PRPSAP1: variants seen among roughly 807,000 people sequenced by gnomAD.
PRPSAP1 encodes the protein phosphoribosyl pyrophosphate synthetase associated protein 1, also known as phosphoribosyl pyrophosphate synthase-associated protein 1.
PRPSAP1 carries 31 observed loss-of-function variants against 39.4 expected under a neutral mutation model. That is an observed-to-expected ratio of 0.79 (90% CI 0.59 to 1.06). The LOEUF (loss-of-function observed/expected upper bound fraction) is 1.06, where lower values mean the gene tolerates loss of function less well. Ranked by LOEUF, PRPSAP1 falls within the 50% of genes least tolerant of loss-of-function variation. PRPSAP1 has a pLI of 0.00. For synonymous variants in PRPSAP1, 212 were observed against 192.6 expected, an observed-to-expected ratio of 1.10 and a Z score of -0.83; for missense variants, 430 against 511.6, an observed-to-expected ratio of 0.84 and a Z score of 1.54.
At chr17:76,330,264 T>C (rs974788622) in intron 5 of PRPSAP1, 166 bp from the exon 6 acceptor site, 8 of 627,868 alleles carry the variant, frequency 1.3e-5, no homozygotes, top group Non-Finnish European at 1.9e-5. Flanking sequence ...TTAACATCAC[T>C]GGAAAAAGCA....
At chr17:76,332,192 T>G (rs1028406908) in intron 4 of PRPSAP1, 71 bp downstream of exon 4, 421 of 1,528,160 alleles carry the variant, frequency 2.8e-4, no homozygotes, top group Non-Finnish European at 3.3e-4. Flanking sequence ...ATCTGAGGTA[T>G]GAGCTAAGTC....
At chr17:76,321,313 T>C (rs918406224) in intron 7 of PRPSAP1, among the ~76,000 whole-genome samples, 3 of 151,908 alleles carry the variant, frequency 2.0e-5, no homozygotes, top group African/African-American at 7.3e-5. Context: ...TCCCAGCACT[T>C]TGGGAGGCCG....
At chr17:76,320,832 A>T (rs1428798783) in intron 7 of PRPSAP1, among the ~76,000 whole-genome samples, 1 of 150,654 alleles carries the variant, frequency 6.6e-6, no homozygotes, top group Non-Finnish European at 1.5e-5. Flanking sequence ...CCCAGGCTGG[A>T]GTGCAGTGGT....
In PRPSAP1 at chr17:76,353,658, C is replaced by G. The variant is rs2071607141; in HGVS notation, c.46G>C (p.Ala16Pro). 3 of 1,528,490 alleles carry G rather than the reference C, an allele frequency of 2.0e-6. No individual in the cohort carries two copies. The East Asian group carries it at 7.8e-5, about 40-fold the overall frequency. 94.7% of individuals were successfully genotyped at this position (1,528,490 alleles called of 1,614,324 possible). Residue 16 changes from alanine to proline, a missense_variant, in exon 1 of 10, where the codon GCT (alanine) becomes CCT (proline). Coordinates refer to ENST00000446526, the MANE Select transcript of PRPSAP1 (RefSeq NM_002766.3). The stretch of plus-strand genomic sequence containing the variant: ...GGGCGGGCGCGCGGGACGCGGAAAG[C>G]CGAGGACGCGGAGGGCGGGGGCAAC... ...LLLPPPSASS[A>P]FRVPRARPVP...
intron 7 of PRPSAP1, among the ~76,000 whole-genome samples, chr17:76,320,282 A>AAAAG (rs370211244): frequency 1.4e-4 from 1 of 7,268 alleles, no homozygotes; most frequent in African/African-American, 4.9e-4. Flanking sequence ...AGAAAGAAAG[A>AAAAG]AAAGAAAGAA....
At chr17:76,318,076 GAC>G (rs1161171557) in intron 7 of PRPSAP1, among the ~76,000 whole-genome samples, 1 of 152,148 alleles carries the variant, frequency 6.6e-6, no homozygotes, top group Admixed American at 6.5e-5. Context: ...CCATGGTTGT[GAC>G]AACCACAAAC....
intron 7 of PRPSAP1, among the ~76,000 whole-genome samples, chr17:76,316,608 G>A (rs1281821854): frequency 6.6e-6 from 1 of 152,150 alleles, no homozygotes; most frequent in Non-Finnish European, 1.5e-5. Context: ...CAAGAATAGA[G>A]TGCTAAAACT....
At chr17:76,324,884 A>G (rs2071236054) in intron 7 of PRPSAP1, among the ~76,000 whole-genome samples, 2 of 147,046 alleles carry the variant, frequency 1.4e-5, no homozygotes, top group Non-Finnish European at 3.0e-5. Context: ...ACATGGTGAA[A>G]CCCCATCTCT....
At chr17:76,328,894 C>G in intron 6 of PRPSAP1, 32 bp from the exon 7 acceptor site, 1 of 1,583,232 alleles carries the variant, frequency 6.3e-7, no homozygotes, top group Non-Finnish European at 8.6e-7. Context: ...GTGAAACTGA[C>G]AGGAAGAAAT....
chr17:76,348,212 C>T (rs765649880), intron 2 of PRPSAP1, among the ~76,000 whole-genome samples: 1 of 150,756 alleles, frequency 6.6e-6, no homozygotes, highest in Non-Finnish European at 1.5e-5. Flanking sequence ...AGTGGTCATG[C>T]CTGTAATCCT....
chr17:76,338,586 C>T (rs888765697), intron 3 of PRPSAP1, among the ~76,000 whole-genome samples: 4 of 151,850 alleles, frequency 2.6e-5, no homozygotes, highest in Non-Finnish European at 4.4e-5. Flanking sequence ...ACCTGTAATC[C>T]CAGCTACTCA....
At chr17:76,313,149 GGGT>G in intron 8 of PRPSAP1, 133 bp from the exon 9 acceptor site, 1 of 1,205,684 alleles carries the variant, frequency 8.3e-7, no homozygotes, top group Non-Finnish European at 1.1e-6. Flanking sequence ...CTGTGTGCCT[GGGT>G]CAAAGAACGA....
chr17:76,339,541 TAA>T lies in PRPSAP1; in HGVS notation c.290+5128_290+5129del, dbSNP rs1271109266. On this transcript the variant is annotated intron_variant, in intron 3 of 9. Transcript: ENST00000446526. ...CTTTCTTCTTCCATCCCTATCAGCTTAAGAGACAGAGAAAATGCCAGGTGATG... is the reference window on the plus strand; with the variant it reads ...CTTTCTTCTTCCATCCCTATCAGCTTGAGACAGAGAAAATGCCAGGTGATG... Among the ~76,000 whole-genome samples, 3 of 151,838 alleles carry T rather than the reference TAA, an allele frequency of 2.0e-5. 1 individual carries two copies. Among genetic ancestry groups the T allele is most frequent in the African/African-American group, 7.3e-5 (3 of 41,108 alleles).
chr17:76,317,959 TC>T (rs759408364), intron 7 of PRPSAP1, among the ~76,000 whole-genome samples: 5 of 146,348 alleles, frequency 3.4e-5, no homozygotes, highest in Non-Finnish European at 7.4e-5. Flanking sequence ...AAAATGAGCT[TC>T]TCAGCCTTAG....
chr17:76,342,550 T>C lies in PRPSAP1; in HGVS notation c.290+2121A>G, dbSNP rs557958864. Among the ~76,000 whole-genome samples, 4 of 151,152 alleles carry C rather than the reference T, an allele frequency of 2.6e-5. 1 individual carries two copies. Among genetic ancestry groups the C allele is most frequent in the African/African-American group, 9.7e-5 (4 of 41,154 alleles). ...GGGCAACATGGCAAAACCTCATCTC[T>C]ACTAAAAATACAAAAAATTAGCCCA... On this transcript the variant is annotated intron_variant, in intron 3 of 9. Coordinates refer to ENST00000446526, the MANE Select transcript of PRPSAP1 (RefSeq NM_002766.3).
In PRPSAP1 at chr17:76,328,371, C is replaced by G. The variant is rs942347669; in HGVS notation, c.781+346G>C. Among the ~76,000 whole-genome samples the G allele has an allele frequency of 2.0e-5, 3 of 152,164 alleles. No individual in the cohort carries two copies. In the South Asian group the frequency reaches 6.2e-4, roughly 31 times the overall value. On this transcript the variant is annotated intron_variant, in intron 7 of 9. Coordinates refer to ENST00000446526, the MANE Select transcript of PRPSAP1 (RefSeq NM_002766.3). ...CTCTGGGAGGCTGAGGCGAGCAGAT[C>G]ACCAGGTCTGGAGCAGATCACGAGG...
intron 7 of PRPSAP1, among the ~76,000 whole-genome samples, chr17:76,320,317 A>AAGGGAGGG (rs2071178193): frequency 1.6e-5 from 2 of 127,500 alleles, no homozygotes; most frequent in Non-Finnish European, 3.2e-5. Flanking sequence ...GGAAGGGAGG[A>AAGGGAGGG]AGGGAAGAAG....
chr17:76,332,136 C>G (rs1182227548), intron 4 of PRPSAP1, 127 bp downstream of exon 4: 8 of 1,208,502 alleles, frequency 6.6e-6, no homozygotes, highest in Non-Finnish European at 9.3e-6. Context: ...ATATCCTTAG[C>G]CAAAACTGTT....
chr17:76,312,732 C>G (rs2071081606), intron 9 of PRPSAP1, 138 bp downstream of exon 9: 3 of 1,110,064 alleles, frequency 2.7e-6, no homozygotes, highest in African/African-American at 1.6e-5. Context: ...AAACATGTAT[C>G]TGTCCCAACG....
Sources: gnomAD v4.1 joint callset for allele counts (sites outside exome capture counted in the v4.1 genomes callset) on GRCh38, gnomAD v4.1.1 for gene constraint, MANE v1.5 for transcripts, NCBI Gene and HGNC (gene_info 2026-07-23, HGNC 2026-07-21) for gene names.